The following BNC2 variants were observed in gnomAD, a reference collection of about 807,000 sequenced individuals.
BNC2 encodes the protein basonuclin zinc finger protein 2.
Under a neutral mutation model 76.3 loss-of-function variants are expected in BNC2, and 20 were observed. The ratio of observed to expected loss-of-function variants is 0.26; its 90% CI spans 0.18 to 0.38. The LOEUF is 0.38. Among genes scored for constraint, BNC2 ranks in the 10% least tolerant of loss-of-function variants. BNC2 has a pLI of 1.00. For synonymous variants in BNC2, 582 were observed against 514.8 expected (o/e 1.13, Z -1.77); for missense variants, 1,382 against 1,399.8 (o/e 0.99, Z 0.20).
chr9:16,858,083 G>T (rs1218992342), intron 1 of BNC2, among the ~76,000 whole-genome samples: 15 of 152,250 alleles, frequency 9.9e-5, no homozygotes, highest in African/African-American at 3.6e-4. Context: ...TTTTGGGTTT[G>T]GAGATCATAC....
chr9:16,817,155 T>A (rs117865972), intron 1 of BNC2, among the ~76,000 whole-genome samples: 468 of 152,314 alleles, frequency 3.1e-3, no homozygotes, highest in Non-Finnish European at 5.7e-3. Context: ...CTGGAAGGGA[T>A]CTCAGGTAAC....
intron 1 of BNC2, among the ~76,000 whole-genome samples, chr9:16,766,108 CCT>C (rs1357101696): frequency 2.0e-5 from 3 of 152,130 alleles, no homozygotes; most frequent in African/African-American, 4.8e-5. Context: ...TTAAGTGTAC[CCT>C]GTTAGGTCTC....
chr9:16,855,134 C>CGTGT (rs35273850), intron 1 of BNC2, among the ~76,000 whole-genome samples: 73 of 149,972 alleles, frequency 4.9e-4, no homozygotes, highest in Non-Finnish European at 5.6e-4. Context: ...GTTCACATGG[C>CGTGT]GTGTGTGTGT....
chr9:16,824,868 C>T (rs1818415687), intron 1 of BNC2, among the ~76,000 whole-genome samples: 1 of 152,118 alleles, frequency 6.6e-6, no homozygotes, highest in Non-Finnish European at 1.5e-5. Context: ...AATTGTTCTA[C>T]TTCCTGTGCA....
Position 16,609,249 on chromosome 9 carries a change from CT to C in BNC2, c.331-26165del, listed in dbSNP as rs1370824070. ...GTATTTTGTGAATGCCTACTCTGTG[CT>C]GGGGATTGTATACATAGTATAAAAC... On this transcript the variant is annotated intron_variant, in intron 3 of 6. Coordinates refer to ENST00000380672, the MANE Select transcript of BNC2 (RefSeq NM_017637.6). 6.6e-5 allele frequency among the ~76,000 whole-genome samples: 10 copies of C among 152,232 alleles called. No individual in the cohort carries two copies. In the South Asian group the frequency reaches 1.2e-3, roughly 19 times the overall value.
intron 1 of BNC2, among the ~76,000 whole-genome samples, chr9:16,842,552 AAT>A (rs1345753495): frequency 6.6e-6 from 1 of 152,202 alleles, no homozygotes; most frequent in Non-Finnish European, 1.5e-5. Context: ...TCTAGAACTA[AAT>A]AGTGTTGATG....
chr9:16,808,279 T>C (rs1053280977), intron 1 of BNC2, among the ~76,000 whole-genome samples: 1 of 152,132 alleles, frequency 6.6e-6, no homozygotes, highest in African/African-American at 2.4e-5. Flanking sequence ...CCCACCATTT[T>C]CATTATTATT....
chr9:16,513,745 G>A (rs974630967), intron 5 of BNC2, among the ~76,000 whole-genome samples: 2 of 152,178 alleles, frequency 1.3e-5, no homozygotes, highest in Admixed American at 6.5e-5. Flanking sequence ...GGGAAGGACC[G>A]TAGGTTGAAG....
intron 5 of BNC2, among the ~76,000 whole-genome samples, chr9:16,513,475 T>A (rs1422434624): frequency 6.6e-6 from 1 of 151,776 alleles, no homozygotes; most frequent in African/African-American, 2.4e-5. Flanking sequence ...CCCCGCTAAT[T>A]TTTTGTATTT....
intron 5 of BNC2, among the ~76,000 whole-genome samples, chr9:16,456,081 A>G (rs1821442148): frequency 6.6e-6 from 1 of 152,116 alleles, no homozygotes; most frequent in Admixed American, 6.5e-5. Context: ...CATCATATCT[A>G]TTAGAGGAAG....
At chr9:16,868,086 A>G (rs1157173018) in intron 1 of BNC2, 1 of 152,174 alleles carries the variant, frequency 6.6e-6, no homozygotes, top group East Asian at 1.9e-4. Context: ...TTCTTGTCTA[A>G]ATCAGGCAGA....
In BNC2 at chr9:16,436,102, G is replaced by A. The variant is rs563758282; in HGVS notation, c.2092C>T (p.Arg698Trp). Residue 698 changes from arginine to tryptophan, a missense_variant, in exon 6 of 7, where the codon CGG becomes TGG. Coordinates refer to ENST00000380672, the MANE Select transcript of BNC2 (RefSeq NM_017637.6). ...VKDFSKHNRT[R>W]CISRTEIRRA... Reference sequence around the variant, plus strand: ...CTTATTTCAGTCCTTGAAATGCACCGGGTCCTGTTATGCTTAGAAAAGTCC... The same window carrying A: ...CTTATTTCAGTCCTTGAAATGCACCAGGTCCTGTTATGCTTAGAAAAGTCC... 7.4e-6 allele frequency: 12 copies of A among 1,614,088 alleles called. No individual in the cohort carries two copies. In the East Asian group the frequency reaches 1.1e-4, roughly 15 times the overall value.
intron 6 of BNC2, among the ~76,000 whole-genome samples, chr9:16,426,098 G>C (rs1820799901): frequency 6.6e-6 from 1 of 152,308 alleles, no homozygotes; most frequent in Non-Finnish European, 1.5e-5. Flanking sequence ...ATGGTGCTCA[G>C]TTTACTACTA....
intron 1 of BNC2, among the ~76,000 whole-genome samples, chr9:16,830,626 C>T (rs549558799): frequency 6.6e-4 from 100 of 152,304 alleles, no homozygotes; most frequent in African/African-American, 2.4e-3. Context: ...ACTGTATTTT[C>T]ATTCAAGGTG....
At chr9:16,507,082 T>A (rs1207394843) in intron 5 of BNC2, among the ~76,000 whole-genome samples, 1 of 151,994 alleles carries the variant, frequency 6.6e-6, no homozygotes, top group Non-Finnish European at 1.5e-5. Flanking sequence ...CCGCCTGACC[T>A]TCTGGAATAA....
intron 3 of BNC2, among the ~76,000 whole-genome samples, chr9:16,597,429 T>A (rs1820123551): frequency 6.6e-6 from 1 of 152,142 alleles, no homozygotes; most frequent in South Asian, 2.1e-4. Flanking sequence ...AACTTATCAC[T>A]TTTACTAATG....
chr9:16,602,220 G>A (rs908888469), intron 3 of BNC2, among the ~76,000 whole-genome samples: 2 of 152,054 alleles, frequency 1.3e-5, no homozygotes, highest in Non-Finnish European at 2.9e-5. Flanking sequence ...CCCTCTTCTG[G>A]TTTCTTATTT....
At chr9:16,511,015 G>C (rs374610838) in intron 5 of BNC2, among the ~76,000 whole-genome samples, 3 of 152,002 alleles carry the variant, frequency 2.0e-5, no homozygotes, top group African/African-American at 7.2e-5. Flanking sequence ...AAAAGGCAGA[G>C]AGAAGGATAG....
In BNC2 at chr9:16,501,020, G is replaced by C. The variant is rs1822505849; in HGVS notation, c.669+51510C>G. On this transcript the variant is annotated intron_variant, in intron 5 of 6. Transcript: ENST00000380672. ...CTAGACTGTGTGAGTTCAAATCCCAGCTCTGCCACTTATAACTATATGATA... is the reference window on the plus strand; with the variant it reads ...CTAGACTGTGTGAGTTCAAATCCCACCTCTGCCACTTATAACTATATGATA... Among the ~76,000 whole-genome samples the C allele has an allele frequency of 2.0e-5, 3 of 152,138 alleles. No individual in the cohort carries two copies. In the South Asian group the frequency reaches 6.2e-4, roughly 32 times the overall value.
Sources: gnomAD v4.1 joint callset for allele counts (sites outside exome capture counted in the v4.1 genomes callset) on GRCh38, gnomAD v4.1.1 for gene constraint, MANE v1.5 for transcripts, NCBI Gene and HGNC (gene_info 2026-07-23, HGNC 2026-07-21) for gene names.